SPATA31H1: variants seen among roughly 807,000 people sequenced by gnomAD.
SPATA31H1 encodes spermatogenesis-associated protein 31H1.
the SPATA31H1 span, chr2:27,580,847 G>C: frequency 1.4e-5 from 22 of 1,614,056 alleles, no homozygotes; most frequent in Non-Finnish European, 1.9e-5. Flanking sequence ...TTAAGCAGGA[G>C]GACATATTGT....
chr2:27,577,626 C>A, the SPATA31H1 span: 2 of 1,613,910 alleles, frequency 1.2e-6, no homozygotes, highest in Non-Finnish European at 1.7e-6. This position sits in a 1 kb window ranked among gnomAD's most constrained non-coding sequence, Gnocchi z 4.5. Context: ...AGGGATGACA[C>A]CTGGGTTAGG....
the SPATA31H1 span, among the ~76,000 whole-genome samples, chr2:27,549,150 T>C: frequency 1.3e-5 from 2 of 151,474 alleles, 1 homozygote; most frequent in South Asian, 4.2e-4. Context: ...TGATTAAATG[T>C]CCGTATTGTC....
At chr2:27,541,137 G>A in the SPATA31H1 span, among the ~76,000 whole-genome samples, 9 of 149,714 alleles carry the variant, frequency 6.0e-5, no homozygotes, top group Admixed American at 1.3e-4. Flanking sequence ...CTGCAATCCC[G>A]GCACCTCGGG....
chr2:27,556,694 T>TA, the SPATA31H1 span, among the ~76,000 whole-genome samples: 25,821 of 120,488 alleles, frequency 0.21, 2,801 homozygotes, highest in East Asian at 0.35. Flanking sequence ...GGGCATATAT[T>TA]TTTTTTTTTT....
the SPATA31H1 span, chr2:27,579,671 C>T: frequency 1.2e-6 from 2 of 1,614,122 alleles, no homozygotes; most frequent in Non-Finnish European, 1.7e-6. Flanking sequence ...CAGAGTCTTC[C>T]CTCAGCATAT....
chr2:27,579,789 T>C, the SPATA31H1 span: 49 of 1,614,030 alleles, frequency 3.0e-5, no homozygotes, highest in African/African-American at 8.0e-5. Flanking sequence ...AAATTATCTT[T>C]CCCAGGCCAA....
chr2:27,565,206 T>C, the SPATA31H1 span: 1 of 621,946 alleles, frequency 1.6e-6, no homozygotes, highest in Non-Finnish European at 2.9e-6. Flanking sequence ...TGGTTATGGA[T>C]GCCAACTGTA....
At chr2:27,556,899 G>A in the SPATA31H1 span, among the ~76,000 whole-genome samples, 1 of 92,968 alleles carries the variant, frequency 1.1e-5, no homozygotes, top group African/African-American at 4.4e-5. Context: ...TTAAGATTAG[G>A]GAGTGGTGAT....
At chr2:27,573,240 C>T in the SPATA31H1 span, 2 of 398,306 alleles carry the variant, frequency 5.0e-6, no homozygotes, top group Non-Finnish European at 8.9e-6. Flanking sequence ...CCGAGGACCA[C>T]AGTTGCAGAA....
At chr2:27,548,713 G>A in the SPATA31H1 span, among the ~76,000 whole-genome samples, 3 of 151,458 alleles carry the variant, frequency 2.0e-5, no homozygotes, top group East Asian at 5.8e-4. Context: ...AGTCTCTTAA[G>A]TGTCTTCTAA....
the SPATA31H1 span, chr2:27,578,881 C>T: frequency 6.2e-7 from 1 of 1,614,178 alleles, no homozygotes; most frequent in East Asian, 2.2e-5. Context: ...ATAAAAAACC[C>T]TGGGACAGAT....
chr2:27,579,046 C>A, the SPATA31H1 span: 1 of 1,614,070 alleles, frequency 6.2e-7, no homozygotes, highest in Admixed American at 1.7e-5. Context: ...TCTAAAGAGA[C>A]AACTAAGAGG....
chr2:27,554,814 T>G, the SPATA31H1 span, among the ~76,000 whole-genome samples: 5 of 151,978 alleles, frequency 3.3e-5, 1 homozygote, highest in African/African-American at 1.2e-4. Flanking sequence ...CCTTAAGTGA[T>G]CCACCCACCT....
the SPATA31H1 span, chr2:27,573,646 A>T: frequency 2.5e-6 from 1 of 398,498 alleles, no homozygotes; most frequent in East Asian, 3.6e-5. Context: ...ATGGCATTCA[A>T]ACCTGGGCTT....
the SPATA31H1 span, among the ~76,000 whole-genome samples, chr2:27,556,064 G>A: frequency 2.0e-5 from 3 of 150,818 alleles, no homozygotes; most frequent in South Asian, 2.1e-4. Flanking sequence ...TTGGGGAGGC[G>A]GAGGTTGCAG....
At chr2:27,568,992 T>C in the SPATA31H1 span, 3 of 398,840 alleles carry the variant, frequency 7.5e-6, no homozygotes, top group Admixed American at 4.4e-5. Context: ...AAAGTTGACC[T>C]CTGACAACTG....
At chr2:27,581,028 T>A in the SPATA31H1 span, 1 of 1,614,016 alleles carries the variant, frequency 6.2e-7, no homozygotes, top group African/African-American at 1.3e-5. Context: ...TAGTAGCAGA[T>A]CAAAGAAAAA....
chr2:27,577,361 AG>A, the SPATA31H1 span: 2 of 1,614,112 alleles, frequency 1.2e-6, no homozygotes, highest in Non-Finnish European at 1.7e-6. This position sits in a 1 kb window ranked among gnomAD's most constrained non-coding sequence, Gnocchi z 4.5. Flanking sequence ...TGGAATATGA[AG>A]GGATTACTCC....
the SPATA31H1 span, among the ~76,000 whole-genome samples, chr2:27,554,755 G>T: frequency 6.6e-6 from 1 of 152,054 alleles, no homozygotes; most frequent in South Asian, 2.1e-4. Context: ...TGTATTTTTA[G>T]TAGGGACAGG....
Sources: gnomAD v4.1 joint callset for allele counts (sites outside exome capture counted in the v4.1 genomes callset) on GRCh38, gnomAD v4.1.1 for gene constraint, Gnocchi (gnomAD v3.1) non-coding constraint, MANE v1.5 for transcripts, NCBI Gene and HGNC (gene_info 2026-07-23, HGNC 2026-07-21) for gene names.